The following CEPT1 variants were observed in gnomAD, a reference collection of about 807,000 sequenced individuals.
The protein encoded by CEPT1 is choline/ethanolaminephosphotransferase 1.
In CEPT1, 7 loss-of-function variants were observed where a neutral mutation model predicts 42.6. That is an observed-to-expected ratio of 0.16 (90% CI 0.09 to 0.31). The LOEUF is 0.31. CEPT1 is among the 10% of genes least tolerant of loss of function. The pLI is 1.00. For missense variants in CEPT1, 306 were observed against 502.1 expected (o/e 0.61, Z 3.73); for synonymous variants, 171 against 171.9 (o/e 0.99, Z 0.04).
intron 2 of CEPT1, among the ~76,000 whole-genome samples, chr1:111,154,428 A>T (rs1440324732): frequency 6.6e-6 from 1 of 152,074 alleles, no homozygotes; most frequent in African/African-American, 2.4e-5. Context: ...AGTTCATATA[A>T]TCTGCAAAGA....
chr1:111,147,080 T>A (rs977316179), intron 1 of CEPT1, among the ~76,000 whole-genome samples: 10 of 152,222 alleles, frequency 6.6e-5, no homozygotes, highest in African/African-American at 2.4e-4. Context: ...CTTAGTTTAT[T>A]TTTCTGTAAA....
chr1:111,176,653 T>C (rs1656690360), intron 5 of CEPT1, among the ~76,000 whole-genome samples: 1 of 152,224 alleles, frequency 6.6e-6, no homozygotes, highest in African/African-American at 2.4e-5. Flanking sequence ...TATTTGCATA[T>C]ACATGATGAG....
At chr1:111,157,679 C>T (rs951624204) in intron 2 of CEPT1, among the ~76,000 whole-genome samples, 1 of 152,124 alleles carries the variant, frequency 6.6e-6, no homozygotes, top group Non-Finnish European at 1.5e-5. Flanking sequence ...ATATTTATTG[C>T]TTTCAGGGTT....
At chr1:111,144,994 T>C (rs1452248039) in intron 1 of CEPT1, among the ~76,000 whole-genome samples, 1 of 152,182 alleles carries the variant, frequency 6.6e-6, no homozygotes, top group Non-Finnish European at 1.5e-5. Flanking sequence ...TTAGCTTTGA[T>C]TTCTCTCCTT....
intron 4 of CEPT1, among the ~76,000 whole-genome samples, chr1:111,172,631 C>T (rs1009162046): frequency 2.6e-5 from 4 of 152,158 alleles, no homozygotes; most frequent in Admixed American, 6.5e-5. Context: ...TACCACCTGT[C>T]CCTCTTAGCT....
At chr1:111,173,556 C>T (rs1656525731) in intron 4 of CEPT1, among the ~76,000 whole-genome samples, 2 of 152,052 alleles carry the variant, frequency 1.3e-5, no homozygotes, top group Admixed American at 6.6e-5. Context: ...CTGTTGTTAC[C>T]TACTTTTAGA....
rs762938761 is a variant in CEPT1, at chr1:111,184,292, T to C, written c.1233T>C (p.Ala411=). The change falls in exon 9 of 9, where the codon GCT becomes GCC. Residue 411 remains alanine (A), a synonymous_variant. Transcript: ENST00000357172. ...IHVFRIKVST[A]HSNHH ...TCTTCAGAATCAAGGTCTCTACAGC[T>C]CATTCTAATCATCATTAATGATGTA... 1.2e-6 allele frequency: 2 copies of C among 1,611,596 alleles called. No homozygotes were observed. Among genetic ancestry groups the C allele is most frequent in the Non-Finnish European group, 8.5e-7 (1 of 1,178,340 alleles).
intron 2 of CEPT1, among the ~76,000 whole-genome samples, chr1:111,157,715 G>T (rs1245661481): frequency 6.6e-6 from 1 of 152,164 alleles, no homozygotes; most frequent in Admixed American, 6.5e-5. Flanking sequence ...GTGGAGGTAT[G>T]TGCTAGCTCC....
At chr1:111,157,020 G>A (rs1355197914) in intron 2 of CEPT1, among the ~76,000 whole-genome samples, 1 of 152,104 alleles carries the variant, frequency 6.6e-6, no homozygotes, top group Non-Finnish European at 1.5e-5. Context: ...CATTCATTCA[G>A]TATCTCCCCC....
intron 5 of CEPT1, chr1:111,178,567 C>A (rs1457204997): frequency 1.3e-5 from 2 of 151,474 alleles, no homozygotes; most frequent in Non-Finnish European, 2.9e-5. Flanking sequence ...TGTTGCTTCC[C>A]CAAAAGACAT....
At chr1:111,143,282 C>T (rs985721056) in intron 1 of CEPT1, among the ~76,000 whole-genome samples, 18 of 152,208 alleles carry the variant, frequency 1.2e-4, no homozygotes, top group Admixed American at 1.3e-4. Flanking sequence ...GATTATTCTT[C>T]CTCCTCCCCT....
chr1:111,165,630 C>G (rs185722018), intron 4 of CEPT1, among the ~76,000 whole-genome samples: 8 of 152,098 alleles, frequency 5.3e-5, no homozygotes, highest in Non-Finnish European at 1.0e-4. Flanking sequence ...TGTGAGTCTA[C>G]TAATTCTACA....
chr1:111,156,776 T>A (rs1420516453), intron 2 of CEPT1, among the ~76,000 whole-genome samples: 1 of 152,192 alleles, frequency 6.6e-6, no homozygotes, highest in East Asian at 1.9e-4. Context: ...ATTACTCTTG[T>A]ACTAGCATGT....
intron 5 of CEPT1, 50 bp downstream of exon 5, chr1:111,175,013 T>G (rs1656608610): frequency 9.0e-7 from 1 of 1,116,200 alleles, no homozygotes; most frequent in Non-Finnish European, 1.4e-6. Context: ...TGTCTTTTGC[T>G]TGTGTTTTCT....
chr1:111,162,583 A>G (rs542576911), intron 4 of CEPT1, among the ~76,000 whole-genome samples: 1 of 152,336 alleles, frequency 6.6e-6, no homozygotes, highest in East Asian at 1.9e-4. Context: ...AGAACAGGAG[A>G]AAACTTAGAG....
At chr1:111,182,686 G>A (rs1657048968) in intron 6 of CEPT1, 113 bp from the exon 7 acceptor site, 1 of 930,776 alleles carries the variant, frequency 1.1e-6, no homozygotes, top group South Asian at 1.9e-5. Flanking sequence ...CTGCCTATCA[G>A]GCACCATGAG....
At chr1:111,172,099 T>C (rs1466265763) in intron 4 of CEPT1, among the ~76,000 whole-genome samples, 1 of 152,168 alleles carries the variant, frequency 6.6e-6, no homozygotes, top group Non-Finnish European at 1.5e-5. Context: ...ATATAGAAAA[T>C]TGTGGTTAGT....
At chr1:111,175,198 T>C (rs1248628190) in intron 5 of CEPT1, among the ~76,000 whole-genome samples, 1 of 152,192 alleles carries the variant, frequency 6.6e-6, no homozygotes, top group Non-Finnish European at 1.5e-5. Context: ...TGAATTAGTA[T>C]TGTTATCCCA....
chr1:111,145,628 T>G (rs1231982667), intron 1 of CEPT1, among the ~76,000 whole-genome samples: 10 of 152,216 alleles, frequency 6.6e-5, no homozygotes, highest in Admixed American at 6.5e-4. Flanking sequence ...ATGAGCTGAG[T>G]GCCTACATTT....
Sources: gnomAD v4.1 joint callset for allele counts (sites outside exome capture counted in the v4.1 genomes callset) on GRCh38, gnomAD v4.1.1 for gene constraint, MANE v1.5 for transcripts, NCBI Gene and HGNC (gene_info 2026-07-23, HGNC 2026-07-21) for gene names.